PTPRK: variants seen among roughly 807,000 people sequenced by gnomAD.
PTPRK encodes the protein receptor-type tyrosine-protein phosphatase kappa.
Under a neutral mutation model 178.0 loss-of-function variants are expected in PTPRK, and 75 were observed. The observed-to-expected ratio is 0.42, with a 90% CI of 0.35 to 0.51. The LOEUF (loss-of-function observed/expected upper bound fraction) is 0.51. PTPRK is among the 20% of genes least tolerant of loss of function. PTPRK has a pLI of 0.02. For missense variants in PTPRK, 1,441 were observed against 1,797.8 expected, an observed-to-expected ratio of 0.80 and a Z score of 3.59; for synonymous variants, 637 against 620.6, an observed-to-expected ratio of 1.03 and a Z score of -0.39.
intron 1 of PTPRK, among the ~76,000 whole-genome samples, chr6:128,443,629 T>G (rs1304707630): frequency 3.3e-5 from 5 of 152,132 alleles, no homozygotes; most frequent in African/African-American, 1.2e-4. Flanking sequence ...TACAGCTTAA[T>G]ACTTGAAGGT....
At chr6:128,489,620 G>A (rs1853476566) in intron 1 of PTPRK, among the ~76,000 whole-genome samples, 1 of 152,148 alleles carries the variant, frequency 6.6e-6, no homozygotes, top group Non-Finnish European at 1.5e-5. Context: ...ATGTGGCCAT[G>A]TATCTGTATT....
intron 2 of PTPRK, among the ~76,000 whole-genome samples, chr6:128,326,105 T>C (rs1345311019): frequency 6.6e-6 from 1 of 152,008 alleles, no homozygotes; most frequent in South Asian, 2.1e-4. Context: ...CACTCATAAG[T>C]GGGAACTGAA....
intron 3 of PTPRK, among the ~76,000 whole-genome samples, chr6:128,287,453 C>A (rs1024456372): frequency 6.6e-6 from 1 of 152,164 alleles, no homozygotes; most frequent in East Asian, 1.9e-4. Context: ...TTCTCCCAAG[C>A]GTGATGATAA....
At chr6:128,131,135 G>A (rs1353436283) in intron 7 of PTPRK, among the ~76,000 whole-genome samples, 1 of 152,168 alleles carries the variant, frequency 6.6e-6, no homozygotes, top group African/African-American at 2.4e-5. Flanking sequence ...CCAAGAAGCA[G>A]TAAAAAGCAT....
chr6:128,263,289 C>T (rs2128294189), intron 3 of PTPRK, among the ~76,000 whole-genome samples: 1 of 152,270 alleles, frequency 6.6e-6, no homozygotes, highest in East Asian at 1.9e-4. Flanking sequence ...AATGAGGGAA[C>T]ACTTGCTGCT....
Position 128,519,037 on chromosome 6 carries a change from C to T in PTPRK, c.100+1222G>A, listed in dbSNP as rs1438945447. The stretch of plus-strand genomic sequence containing the variant: ...TGCGTCCTGCGGCTTCAGCCAGGAG[C>T]GTGGCTGTCGCTTTTCCCGTCTTCT... On this transcript the variant is annotated intron_variant, in intron 1 of 29. Coordinates refer to ENST00000368226, the MANE Select transcript of PTPRK (RefSeq NM_002844.4). The surrounding 1 kb of genome is among the most constrained non-coding windows in gnomAD (Gnocchi z 4.3). 2 of 531,086 alleles carry T rather than the reference C, an allele frequency of 3.8e-6. No homozygotes were observed. The highest frequency in any genetic ancestry group is 1.9e-5 in the African/African-American group (1 of 51,932). The allele number at this position is 531,086 out of a possible 1,614,324, so 32.9% of individuals were successfully genotyped here.
At chr6:128,153,894 G>A (rs561401873) in intron 7 of PTPRK, among the ~76,000 whole-genome samples, 1 of 151,776 alleles carries the variant, frequency 6.6e-6, no homozygotes, top group Admixed American at 6.6e-5. Flanking sequence ...CCAGTATAAA[G>A]GTATAGTTCA....
At chr6:128,050,882 A>T (rs932891905) in intron 13 of PTPRK, among the ~76,000 whole-genome samples, 6 of 152,134 alleles carry the variant, frequency 3.9e-5, no homozygotes, top group South Asian at 4.1e-4. Flanking sequence ...ACGCTGAAAA[A>T]TTTTCAAAAT....
intron 1 of PTPRK, among the ~76,000 whole-genome samples, chr6:128,463,906 C>A (rs1229529199): frequency 6.6e-6 from 1 of 151,778 alleles, no homozygotes; most frequent in African/African-American, 2.4e-5. Flanking sequence ...TGCCTGCCAC[C>A]ACACCCGGGT....
intron 6 of PTPRK, among the ~76,000 whole-genome samples, chr6:128,206,018 G>T (rs1806894935): frequency 6.6e-6 from 1 of 151,670 alleles, no homozygotes; most frequent in African/African-American, 2.4e-5. Flanking sequence ...CATGGAAAGA[G>T]GCTGGTGGAG....
At chr6:128,231,342 A>T (rs778641637) in intron 5 of PTPRK, among the ~76,000 whole-genome samples, 8 of 152,220 alleles carry the variant, frequency 5.3e-5, no homozygotes, top group Non-Finnish European at 1.0e-4. Context: ...AATTAACTGT[A>T]AACCAGTGTA....
chr6:128,274,212 A>G (rs1022347478), intron 3 of PTPRK, among the ~76,000 whole-genome samples: 1 of 152,168 alleles, frequency 6.6e-6, no homozygotes, highest in African/African-American at 2.4e-5. Context: ...TTATAACACT[A>G]AATTATTGTT....
chr6:128,163,918 G>C (rs1027940756), intron 7 of PTPRK, among the ~76,000 whole-genome samples: 1 of 151,450 alleles, frequency 6.6e-6, no homozygotes, highest in African/African-American at 2.4e-5. Context: ...CTAAATTAGA[G>C]AGTAGTGAAG....
intron 3 of PTPRK, among the ~76,000 whole-genome samples, chr6:128,280,287 T>A (rs1821463881): frequency 6.6e-6 from 1 of 152,116 alleles, no homozygotes; most frequent in Admixed American, 6.6e-5. Context: ...TGCATACTCA[T>A]CCCTGGGAGG....
chr6:128,187,208 A>C (rs1385068927), intron 6 of PTPRK, among the ~76,000 whole-genome samples: 1 of 152,138 alleles, frequency 6.6e-6, no homozygotes, highest in African/African-American at 2.4e-5. Flanking sequence ...CTAAGAGGAG[A>C]GCAAAAGATG....
chr6:128,073,324 A>T (rs942256885), intron 11 of PTPRK, among the ~76,000 whole-genome samples: 2 of 152,068 alleles, frequency 1.3e-5, no homozygotes, highest in Admixed American at 6.6e-5. Flanking sequence ...AAATAAATTC[A>T]GAAAACCAAC....
At chr6:128,339,945 T>C (rs1032833927) in intron 2 of PTPRK, among the ~76,000 whole-genome samples, 1 of 152,126 alleles carries the variant, frequency 6.6e-6, no homozygotes, top group Non-Finnish European at 1.5e-5. Context: ...ACTGTTCTAG[T>C]TGCCCAGAAT....
intron 3 of PTPRK, among the ~76,000 whole-genome samples, chr6:128,257,718 T>A (rs1194583617): frequency 6.6e-6 from 1 of 152,194 alleles, no homozygotes; most frequent in Non-Finnish European, 1.5e-5. Context: ...AATTTCAGAC[T>A]TAAAATAATG....
At chr6:128,158,768 C>T (rs554336408) in intron 7 of PTPRK, among the ~76,000 whole-genome samples, 5 of 152,034 alleles carry the variant, frequency 3.3e-5, no homozygotes, top group South Asian at 2.1e-4. Flanking sequence ...GGCCACTTCA[C>T]GTTTCCTTTC....
Sources: gnomAD v4.1 joint callset for allele counts (sites outside exome capture counted in the v4.1 genomes callset) on GRCh38, gnomAD v4.1.1 for gene constraint, Gnocchi (gnomAD v3.1) non-coding constraint, MANE v1.5 for transcripts, NCBI Gene and HGNC (gene_info 2026-07-23, HGNC 2026-07-21) for gene names.